The following CNTN4 variants were observed in gnomAD, a reference collection of about 807,000 sequenced individuals.
CNTN4 encodes the protein contactin-4.
A neutral mutation model predicts 122.5 loss-of-function variants in CNTN4; 77 were observed. The ratio of observed to expected loss-of-function variants is 0.63; its 90% CI spans 0.52 to 0.76. The LOEUF (loss-of-function observed/expected upper bound fraction) is 0.76, where lower values mean the gene tolerates loss of function less well. CNTN4 is among the 30% of genes least tolerant of loss of function. The probability of loss-of-function intolerance (pLI) is 0.00; values close to 1 mark genes in which losing one functional copy is unlikely to be tolerated. For missense variants in CNTN4, 1,256 were observed against 1,259.1 expected, an observed-to-expected ratio of 1.00 and a Z score of 0.04; for synonymous variants, 512 against 447.0, an observed-to-expected ratio of 1.15 and a Z score of -1.83.
At chr3:2,622,612 A>C (rs2082033087) in intron 4 of CNTN4, among the ~76,000 whole-genome samples, 1 of 152,190 alleles carries the variant, frequency 6.6e-6, no homozygotes, top group African/African-American at 2.4e-5. Flanking sequence ...GTTGTCTGCA[A>C]AATCTGGAAT....
At chr3:2,217,049 G>C (rs1685507) in intron 2 of CNTN4, among the ~76,000 whole-genome samples, 102,269 of 151,864 alleles carry the variant, frequency 0.67, 34,653 homozygotes, top group Non-Finnish European at 0.7. Context: ...CTCAGCTGTT[G>C]CTTTAGGATC....
At position 2,950,038 on chromosome 3, in the gene CNTN4, C is replaced by T. The variant is rs182210449; in HGVS notation, c.1358+24259C>T. Reference sequence around the variant, plus strand: ...GGGAGCAATTTGAAACATTTTGCTTCGCAAAGATGTTTGCATCCAGCTTAA... The same window carrying T: ...GGGAGCAATTTGAAACATTTTGCTTTGCAAAGATGTTTGCATCCAGCTTAA... On this transcript the variant is annotated intron_variant, in intron 13 of 24. Transcript: ENST00000418658. Among the ~76,000 whole-genome samples, 493 of 152,302 alleles carry T rather than the reference C, an allele frequency of 3.2e-3. 1 individual carries two copies. The highest frequency in any genetic ancestry group is 5.1e-3 in the Non-Finnish European group (346 of 68,018).
chr3:2,482,902 A>G (rs1467681034), intron 3 of CNTN4, among the ~76,000 whole-genome samples: 1 of 152,170 alleles, frequency 6.6e-6, no homozygotes, highest in Non-Finnish European at 1.5e-5. Context: ...AACCTTTGCT[A>G]GGGTAGTGTG....
At chr3:2,397,301 G>C (rs536213203) in intron 3 of CNTN4, among the ~76,000 whole-genome samples, 205 of 151,864 alleles carry the variant, frequency 1.3e-3, no homozygotes, top group Non-Finnish European at 2.3e-3. Context: ...AACTAAAAAC[G>C]TATTAATTTT....
At chr3:2,293,173 A>G (rs1469187773) in intron 2 of CNTN4, among the ~76,000 whole-genome samples, 1 of 152,214 alleles carries the variant, frequency 6.6e-6, no homozygotes, top group African/African-American at 2.4e-5. Flanking sequence ...TAAGAGAAGT[A>G]TGTGTAAATT....
intron 2 of CNTN4, among the ~76,000 whole-genome samples, chr3:2,300,847 G>A (rs559983687): frequency 3.9e-5 from 6 of 152,088 alleles, no homozygotes; most frequent in Admixed American, 2.6e-4. Flanking sequence ...GGGATTACAG[G>A]TGTGAGCCAC....
intron 6 of CNTN4, among the ~76,000 whole-genome samples, chr3:2,806,787 G>A (rs895936054): frequency 2.6e-5 from 4 of 152,100 alleles, no homozygotes; most frequent in South Asian, 4.1e-4. Flanking sequence ...ACTACTTCAC[G>A]TCCTTCTTGG....
chr3:2,958,210 A>T (rs1239541973), intron 13 of CNTN4, among the ~76,000 whole-genome samples: 1 of 152,186 alleles, frequency 6.6e-6, no homozygotes, highest in Non-Finnish European at 1.5e-5. Context: ...CAATTAAGAA[A>T]CACTGGTTTA....
chr3:2,894,078 T>C (rs2094077824), intron 10 of CNTN4, among the ~76,000 whole-genome samples: 1 of 152,182 alleles, frequency 6.6e-6, no homozygotes. Flanking sequence ...TTTTTCCAAA[T>C]AAAAATATTT....
chr3:3,038,293 C>G (rs1285927625), intron 18 of CNTN4, among the ~76,000 whole-genome samples: 1 of 152,174 alleles, frequency 6.6e-6, no homozygotes, highest in African/African-American at 2.4e-5. Context: ...ATAATTTCCT[C>G]TCTTTTATAG....
In CNTN4 at chr3:2,818,979, G is replaced by C. The variant is rs150777125; in HGVS notation, c.359-507G>C. Among the ~76,000 whole-genome samples the C allele has an allele frequency of 3.8e-4, 58 of 152,294 alleles. No homozygotes were observed. In the East Asian group the frequency reaches 8.9e-3, roughly 23 times the overall value. On this transcript the variant is annotated intron_variant, in intron 6 of 24. Coordinates refer to ENST00000418658, the MANE Select transcript of CNTN4 (RefSeq NM_175607.3). ...ATAATTATATATGATAGAATGGTTTGTGAAGTGAACAGAATTGTATCAGAA... is the reference window on the plus strand; with the variant it reads ...ATAATTATATATGATAGAATGGTTTCTGAAGTGAACAGAATTGTATCAGAA...
chr3:2,973,573 G>T (rs1398748303), intron 13 of CNTN4, among the ~76,000 whole-genome samples: 1 of 152,012 alleles, frequency 6.6e-6, no homozygotes, highest in African/African-American at 2.4e-5. Flanking sequence ...AGAAAGGTTA[G>T]AAATCAGTCC....
chr3:2,922,781 T>C (rs1427474671), intron 12 of CNTN4, among the ~76,000 whole-genome samples: 2 of 152,046 alleles, frequency 1.3e-5, no homozygotes, highest in African/African-American at 4.8e-5. Flanking sequence ...CCAGCTAATT[T>C]TGTATTTTTA....
intron 3 of CNTN4, among the ~76,000 whole-genome samples, chr3:2,508,565 C>T (rs1292312057): frequency 6.6e-6 from 1 of 152,086 alleles, no homozygotes; most frequent in Non-Finnish European, 1.5e-5. Context: ...CAGAAAGAGA[C>T]CTCAGGAGCC....
At chr3:2,868,386 A>T (rs1346005072) in intron 8 of CNTN4, among the ~76,000 whole-genome samples, 1 of 152,168 alleles carries the variant, frequency 6.6e-6, no homozygotes, top group Non-Finnish European at 1.5e-5. Flanking sequence ...GTTGCATTAT[A>T]CTGTAACACC....
At chr3:2,842,593 T>A (rs1422524186) in intron 7 of CNTN4, among the ~76,000 whole-genome samples, 1 of 152,178 alleles carries the variant, frequency 6.6e-6, no homozygotes, top group Non-Finnish European at 1.5e-5. Flanking sequence ...CATCTCTACA[T>A]CTTCTCTTTC....
chr3:2,476,643 G>T (rs1218293457), intron 3 of CNTN4, among the ~76,000 whole-genome samples: 1 of 152,182 alleles, frequency 6.6e-6, no homozygotes, highest in African/African-American at 2.4e-5. Flanking sequence ...GTAGTTGCCT[G>T]GGACTATAGA....
chr3:2,627,763 G>A lies in CNTN4; in HGVS notation c.55+56205G>A, dbSNP rs1044584739. On this transcript the variant is annotated intron_variant, in intron 4 of 24. Coordinates refer to ENST00000418658, the MANE Select transcript of CNTN4 (RefSeq NM_175607.3). ...CCGCCTCGGCCTCCCAAAGTGCTGG[G>A]ATTACAGGCGTGAGCCACCGTGCCT... Among the ~76,000 whole-genome samples, 10 of 152,218 alleles carry A rather than the reference G, an allele frequency of 6.6e-5. No individual in the cohort carries two copies. The East Asian group carries it at 7.7e-4, about 12-fold the overall frequency.
intron 4 of CNTN4, among the ~76,000 whole-genome samples, chr3:2,624,926 C>T (rs1207234157): frequency 6.6e-6 from 1 of 151,990 alleles, no homozygotes; most frequent in Non-Finnish European, 1.5e-5. Flanking sequence ...AGCCACTGGG[C>T]CTGGCCTCTG....
Sources: allele counts gnomAD v4.1 joint callset (sites outside exome capture counted in the v4.1 genomes callset), GRCh38; gene constraint gnomAD v4.1.1; transcripts MANE v1.5; gene names NCBI Gene and HGNC (gene_info 2026-07-23, HGNC 2026-07-21).